GRM5: variants seen among roughly 807,000 people sequenced by gnomAD.
GRM5 encodes the protein glutamate metabotropic receptor 5.
GRM5 carries 19 observed loss-of-function variants against 83.1 expected under a neutral mutation model. The observed-to-expected ratio is 0.23, with a 90% CI of 0.16 to 0.34. The LOEUF is 0.34. Among genes scored for constraint, GRM5 ranks in the 10% least tolerant of loss-of-function variants. The pLI, the probability that GRM5 is intolerant of heterozygous loss-of-function variation, is 1.00. For missense variants in GRM5, 1,160 were observed against 1,588.3 expected (o/e 0.73, Z 4.58); for synonymous variants, 675 against 633.6 (o/e 1.07, Z -0.98).
Position 88,509,372 on chromosome 11 carries a change from G to T in GRM5, c.2859C>A (p.Pro953=). The stretch of plus-strand genomic sequence containing the variant: ...CCAGGCCACGGCTCTCCGTGCTCTT[G>T]GGGAAGGGCTTGATGACGGCCGTTT... ...PNQTAVIKPF[P]KSTESRGLGA... is the part of the protein sequence containing the mutation. Residue 953 remains proline, a synonymous_variant, in exon 10 of 10, where the codon CCC becomes CCA. Transcript: ENST00000305447. The T allele has an allele frequency of 6.2e-7, 1 of 1,612,182 alleles. No homozygotes were observed. The highest frequency in any genetic ancestry group is 8.5e-7 in the Non-Finnish European group (1 of 1,179,786).
chr11:88,854,058 G>GTATATAAATATATATATATATA (rs1944429748), intron 2 of GRM5, among the ~76,000 whole-genome samples: 1 of 121,196 alleles, frequency 8.3e-6, no homozygotes, highest in African/African-American at 3.1e-5. Context: ...AAAATGTGGT[G>GTATATAAATATATATATATATA]TATATATATA....
intron 2 of GRM5, among the ~76,000 whole-genome samples, chr11:89,002,873 C>T (rs1591038779): frequency 6.6e-6 from 1 of 152,018 alleles, no homozygotes; most frequent in Non-Finnish European, 1.5e-5. Flanking sequence ...GCTCTAAAGT[C>T]CTCTTCTCAG....
intron 3 of GRM5, among the ~76,000 whole-genome samples, chr11:88,839,561 G>T (rs1459971884): frequency 6.6e-6 from 1 of 152,044 alleles, no homozygotes; most frequent in Non-Finnish European, 1.5e-5. Context: ...AAATACAAGT[G>T]CTTTTCACTA....
chr11:88,991,170 G>A (rs369629040), intron 2 of GRM5, among the ~76,000 whole-genome samples: 1 of 151,906 alleles, frequency 6.6e-6, no homozygotes. Flanking sequence ...CAAAGTCTCA[G>A]GATACAAAAT....
At chr11:88,859,495 A>G (rs1944528061) in intron 2 of GRM5, among the ~76,000 whole-genome samples, 1 of 152,124 alleles carries the variant, frequency 6.6e-6, no homozygotes, top group Non-Finnish European at 1.5e-5. Flanking sequence ...TTCACTCCAA[A>G]TGTGTTATTA....
chr11:88,883,974 C>T (rs1377123196), intron 2 of GRM5, among the ~76,000 whole-genome samples: 2 of 152,268 alleles, frequency 1.3e-5, no homozygotes, highest in East Asian at 3.9e-4. Flanking sequence ...CATGGAGAAC[C>T]TCTGCTACAG....
At chr11:88,748,095 C>A (rs1942181487) in intron 3 of GRM5, among the ~76,000 whole-genome samples, 1 of 152,114 alleles carries the variant, frequency 6.6e-6, no homozygotes, top group African/African-American at 2.4e-5. Flanking sequence ...ATTGTACAAC[C>A]CTGCCCAGGA....
intron 4 of GRM5, among the ~76,000 whole-genome samples, chr11:88,650,890 C>T (rs1401508584): frequency 1.3e-4 from 19 of 151,904 alleles, no homozygotes; most frequent in Admixed American, 1.3e-3. Context: ...CTAAATCATG[C>T]TTTTGTTATA....
chr11:88,853,601 G>T (rs1407890679), intron 2 of GRM5, among the ~76,000 whole-genome samples: 1 of 151,926 alleles, frequency 6.6e-6, no homozygotes, highest in Non-Finnish European at 1.5e-5. Context: ...ATTCATATTA[G>T]AGATATGGAG....
chr11:88,997,386 T>A (rs1446782220), intron 2 of GRM5, among the ~76,000 whole-genome samples: 23 of 145,170 alleles, frequency 1.6e-4, no homozygotes, highest in Non-Finnish European at 2.3e-4. Flanking sequence ...ATCAGTAGCA[T>A]GACTTTCCAC....
chr11:88,940,159 G>T (rs1204420237), intron 2 of GRM5, among the ~76,000 whole-genome samples: 1 of 151,756 alleles, frequency 6.6e-6, no homozygotes, highest in Non-Finnish European at 1.5e-5. Flanking sequence ...TTCTATTAGT[G>T]CCCAGGCCTT....
intron 2 of GRM5, among the ~76,000 whole-genome samples, chr11:88,940,302 T>A (rs1470710714): frequency 6.7e-6 from 1 of 150,108 alleles, no homozygotes; most frequent in Non-Finnish European, 1.5e-5. Flanking sequence ...TGTGATCTCA[T>A]CCCAGGTTCA....
intron 2 of GRM5, among the ~76,000 whole-genome samples, chr11:88,971,026 TGAG>T (rs962383311): frequency 6.6e-6 from 1 of 152,092 alleles, no homozygotes; most frequent in African/African-American, 2.4e-5. Context: ...GCTGTCATGG[TGAG>T]GAGTTTGTTA....
chr11:88,737,888 A>G (rs1241644206), intron 3 of GRM5, among the ~76,000 whole-genome samples: 1 of 152,090 alleles, frequency 6.6e-6, no homozygotes, highest in Non-Finnish European at 1.5e-5. Flanking sequence ...AAACTTTATG[A>G]GAGCAGTTAT....
At chr11:88,574,609 A>C (rs2135183437) in intron 7 of GRM5, among the ~76,000 whole-genome samples, 1 of 152,238 alleles carries the variant, frequency 6.6e-6, no homozygotes, top group Middle Eastern at 3.4e-3. Flanking sequence ...TCTACTAAAA[A>C]TACAGAAATT....
At chr11:88,753,858 G>T (rs114195324) in intron 3 of GRM5, among the ~76,000 whole-genome samples, 3 of 152,086 alleles carry the variant, frequency 2.0e-5, no homozygotes, top group African/African-American at 7.2e-5. Context: ...TGAAAGGCAC[G>T]TCTCACATTG....
At chr11:88,798,805 C>CAAAA (rs4002396) in intron 3 of GRM5, among the ~76,000 whole-genome samples, 175 of 55,288 alleles carry the variant, frequency 3.2e-3, no homozygotes, top group Middle Eastern at 0.016. Context: ...ATGAAAACAC[C>CAAAA]AAAAAAAAAA....
At position 88,733,731 on chromosome 11, in the gene GRM5, T is replaced by C. The variant is rs1941853923; in HGVS notation, c.912-80328A>G. Among the ~76,000 whole-genome samples, 4 of 152,094 alleles carry C rather than the reference T, an allele frequency of 2.6e-5. No homozygotes were observed. The South Asian group carries it at 8.3e-4, about 31-fold the overall frequency. ...ACATTTTCTCTGCTTCTTTATGTTA[T>C]ACAATAGCAGATAAACTTCTCGAGA... On this transcript the variant is annotated intron_variant, in intron 3 of 9. Coordinates refer to ENST00000305447, the MANE Select transcript of GRM5 (RefSeq NM_001143831.3).
intron 3 of GRM5, among the ~76,000 whole-genome samples, chr11:88,731,615 T>A (rs1370985019): frequency 6.6e-6 from 1 of 152,040 alleles, no homozygotes; most frequent in Non-Finnish European, 1.5e-5. Context: ...GTGACATTAT[T>A]GATGGGATTT....
Sources: gnomAD v4.1 joint callset for allele counts (sites outside exome capture counted in the v4.1 genomes callset) on GRCh38, gnomAD v4.1.1 for gene constraint, MANE v1.5 for transcripts, NCBI Gene and HGNC (gene_info 2026-07-23, HGNC 2026-07-21) for gene names.